ATRNL1: variants seen among roughly 807,000 people sequenced by gnomAD.
ATRNL1 encodes attractin-like protein 1.
A neutral mutation model predicts 182.7 loss-of-function variants in ATRNL1; 95 were observed. The ratio of observed to expected loss-of-function variants is 0.52; its 90% CI spans 0.44 to 0.62. ATRNL1 has a LOEUF of 0.62. Among genes scored for constraint, ATRNL1 ranks in the 20% least tolerant of loss-of-function variants. ATRNL1 has a pLI of 0.00. For missense variants in ATRNL1, 1,471 were observed against 1,679.5 expected, an observed-to-expected ratio of 0.88 and a Z score of 2.17; for synonymous variants, 576 against 568.3, an observed-to-expected ratio of 1.01 and a Z score of -0.19.
At chr10:115,748,215 C>A (rs1039645642) in intron 27 of ATRNL1, among the ~76,000 whole-genome samples, 4 of 151,950 alleles carry the variant, frequency 2.6e-5, no homozygotes, top group African/African-American at 9.7e-5. Context: ...ACTCCCAGGG[C>A]AGCCAGCAAT....
chr10:115,202,410 A>G (rs1233668175), intron 8 of ATRNL1, among the ~76,000 whole-genome samples: 10 of 152,034 alleles, frequency 6.6e-5, no homozygotes, highest in Non-Finnish European at 1.5e-4. Context: ...CATCCCATCA[A>G]TACCTAATTT....
chr10:115,441,942 A>T (rs1385343105), intron 21 of ATRNL1, among the ~76,000 whole-genome samples: 1 of 151,846 alleles, frequency 6.6e-6, no homozygotes, highest in Non-Finnish European at 1.5e-5. Context: ...TATCCCAAAG[A>T]TATATATCTT....
chr10:115,876,730 A>G (rs1167326581), intron 28 of ATRNL1, among the ~76,000 whole-genome samples: 2 of 152,356 alleles, frequency 1.3e-5, no homozygotes, highest in Admixed American at 6.5e-5. Flanking sequence ...GGTCGTGTAC[A>G]TTGAAAAATA....
intron 24 of ATRNL1, among the ~76,000 whole-genome samples, chr10:115,488,067 G>A (rs1490599632): frequency 6.6e-6 from 1 of 152,172 alleles, no homozygotes; most frequent in Admixed American, 6.5e-5. Flanking sequence ...TCTCAGGGAT[G>A]AAGCTGACTT....
At chr10:115,776,824 T>C (rs1301446983) in intron 27 of ATRNL1, among the ~76,000 whole-genome samples, 10 of 152,078 alleles carry the variant, frequency 6.6e-5, no homozygotes, top group African/African-American at 2.2e-4. Context: ...AATTCTGGGA[T>C]TGGTTACTGC....
chr10:115,824,801 C>A (rs956722289), intron 27 of ATRNL1, among the ~76,000 whole-genome samples: 1 of 152,194 alleles, frequency 6.6e-6, no homozygotes, highest in Non-Finnish European at 1.5e-5. Context: ...CGCTTGTACA[C>A]TGTTGGTGGG....
At chr10:115,418,351 A>G (rs1270915957) in intron 20 of ATRNL1, among the ~76,000 whole-genome samples, 1 of 152,196 alleles carries the variant, frequency 6.6e-6, no homozygotes. Flanking sequence ...AATAGATCAA[A>G]CAAAAGAAAG....
chr10:115,459,813 A>C (rs879949365), intron 21 of ATRNL1, among the ~76,000 whole-genome samples: 1 of 152,100 alleles, frequency 6.6e-6, no homozygotes, highest in Non-Finnish European at 1.5e-5. Flanking sequence ...CTCATGGGGC[A>C]TCACGGATCC....
rs180706224 is a variant in ATRNL1, at chr10:115,607,953, C to T, written c.3795+58417C>T. ...AGAGATGCCATTGTTTATAGATTTT[C>T]AATTACTGTAGTTGATCTAATTTCA... On this transcript the variant is annotated intron_variant, in intron 26 of 28. Transcript: ENST00000355044. Among the ~76,000 whole-genome samples, 391 of 151,934 alleles carry T rather than the reference C, an allele frequency of 2.6e-3. 1 individual carries two copies. Among genetic ancestry groups the T allele is most frequent in the African/African-American group, 9.1e-3 (376 of 41,498 alleles).
intron 28 of ATRNL1, among the ~76,000 whole-genome samples, chr10:115,910,738 G>A (rs1463597601): frequency 1.3e-5 from 2 of 152,156 alleles, no homozygotes; most frequent in African/African-American, 4.8e-5. Flanking sequence ...GTGCCTGCCT[G>A]TTAGAGGCAT....
intron 5 of ATRNL1, among the ~76,000 whole-genome samples, chr10:115,137,365 G>A (rs1845560877): frequency 1.3e-5 from 2 of 152,188 alleles, no homozygotes; most frequent in South Asian, 4.1e-4. Context: ...TCAGCACATG[G>A]CCTTCCATCT....
chr10:115,219,676 G>A (rs1554896985), intron 9 of ATRNL1, among the ~76,000 whole-genome samples: 3 of 152,136 alleles, frequency 2.0e-5, no homozygotes, highest in Admixed American at 6.5e-5. Flanking sequence ...GCAGAGGCAG[G>A]TGGATTGCTT....
At chr10:115,259,046 G>T (rs1474641360) in intron 10 of ATRNL1, among the ~76,000 whole-genome samples, 9 of 152,196 alleles carry the variant, frequency 5.9e-5, no homozygotes, top group African/African-American at 2.2e-4. Context: ...CCTACTGAGA[G>T]GTTTCTGCCA....
intron 9 of ATRNL1, among the ~76,000 whole-genome samples, chr10:115,233,177 C>A (rs1228740082): frequency 3.9e-5 from 6 of 152,002 alleles, no homozygotes; most frequent in Non-Finnish European, 8.8e-5. Flanking sequence ...GGATTTAGGA[C>A]CCATACTTGT....
chr10:115,855,124 A>G (rs1326372413), intron 28 of ATRNL1, among the ~76,000 whole-genome samples: 2 of 152,104 alleles, frequency 1.3e-5, no homozygotes, highest in Non-Finnish European at 2.9e-5. Context: ...AAACTCTCAG[A>G]CCTTTAGTTT....
At chr10:115,805,283 G>A (rs1230899016) in intron 27 of ATRNL1, among the ~76,000 whole-genome samples, 3 of 152,136 alleles carry the variant, frequency 2.0e-5, no homozygotes, top group Non-Finnish European at 2.9e-5. Context: ...ACTCACTTGT[G>A]AAAGCAAATT....
intron 27 of ATRNL1, among the ~76,000 whole-genome samples, chr10:115,816,403 T>A (rs1268964679): frequency 6.6e-6 from 1 of 152,104 alleles, no homozygotes; most frequent in African/African-American, 2.4e-5. Flanking sequence ...AACAAATACA[T>A]AGTGAGAAGT....
intron 19 of ATRNL1, among the ~76,000 whole-genome samples, chr10:115,384,439 A>G (rs1858216005): frequency 6.6e-6 from 1 of 151,998 alleles, no homozygotes; most frequent in South Asian, 2.1e-4. Flanking sequence ...TCACAAATAT[A>G]AGGGTTTTTT....
chr10:115,532,498 T>C (rs1422660951), intron 25 of ATRNL1, among the ~76,000 whole-genome samples: 1 of 152,160 alleles, frequency 6.6e-6, no homozygotes, highest in Non-Finnish European at 1.5e-5. Context: ...TTTGCTGAAG[T>C]TGCTTATCAG....
Sources: allele counts gnomAD v4.1 joint callset (sites outside exome capture counted in the v4.1 genomes callset), GRCh38; gene constraint gnomAD v4.1.1; transcripts MANE v1.5; gene names NCBI Gene and HGNC (gene_info 2026-07-23, HGNC 2026-07-21).